Variants in CPNE8 observed in about 807,000 individuals in gnomAD.
The protein encoded by CPNE8 is copine-8.
Under a neutral mutation model 81.5 loss-of-function variants are expected in CPNE8, and 45 were observed. The observed-to-expected ratio is 0.55, with a 90% confidence interval of 0.44 to 0.71. The LOEUF is 0.71. CPNE8 is among the 30% of genes least tolerant of loss of function. CPNE8 has a pLI of 0.00. For missense variants in CPNE8, 594 were observed against 672.1 expected, an observed-to-expected ratio of 0.88 and a Z score of 1.28; for synonymous variants, 252 against 226.3, an observed-to-expected ratio of 1.11 and a Z score of -1.02.
In CPNE8 at chr12:38,653,783, G is replaced by C; in HGVS notation, c.*99C>G. ...ACATTAACTGCTGAAACCAAACTGA[G>C]AAAACTATCTCATTGCCTGGTTCAT... is the stretch of plus-strand genomic sequence containing the variant. On this transcript the variant is annotated 3_prime_UTR_variant, in exon 20 of 20. Coordinates refer to ENST00000331366, the MANE Select transcript of CPNE8 (RefSeq NM_153634.3). 2 of 1,445,060 alleles carry C rather than the reference G, an allele frequency of 1.4e-6. No homozygotes were observed. Among genetic ancestry groups the C allele is most frequent in the South Asian group, 3.1e-5 (2 of 64,966 alleles). 89.5% of individuals were successfully genotyped at this position (1,445,060 alleles called of 1,614,324 possible).
At chr12:38,805,500 G>A (rs1942774133) in intron 6 of CPNE8, among the ~76,000 whole-genome samples, 1 of 104,210 alleles carries the variant, frequency 9.6e-6, no homozygotes, top group South Asian at 4.1e-4. Context: ...ATCACACTCT[G>A]GGGACTGTGG....
intron 11 of CPNE8, 101 bp downstream of exon 11, chr12:38,730,178 ATACT>A: frequency 1.4e-6 from 1 of 724,414 alleles, no homozygotes; most frequent in East Asian, 2.6e-5. Flanking sequence ...ACATACACTG[ATACT>A]TAGTTAACCT....
Position 38,708,300 on chromosome 12 carries a change from G to A in CPNE8, c.915-5379C>T, listed in dbSNP as rs761845795. Among the ~76,000 whole-genome samples, 45 of 151,354 alleles carry A rather than the reference G, an allele frequency of 3.0e-4. 1 individual carries two copies. The highest frequency in any genetic ancestry group is 2.3e-3 in the Admixed American group (35 of 15,164). ...ACCAAACAACATTTCAATCAGTAACGTCATTACCCTTTTTCATTCTCTAAT... is the reference window on the plus strand; with the variant it reads ...ACCAAACAACATTTCAATCAGTAACATCATTACCCTTTTTCATTCTCTAAT... On this transcript the variant is annotated intron_variant, in intron 13 of 19. Coordinates refer to ENST00000331366, the MANE Select transcript of CPNE8 (RefSeq NM_153634.3).
At chr12:38,683,358 A>C (rs1293413512) in intron 16 of CPNE8, among the ~76,000 whole-genome samples, 2 of 152,160 alleles carry the variant, frequency 1.3e-5, no homozygotes, top group Admixed American at 1.3e-4. Flanking sequence ...TAATATATTA[A>C]CATATACAGA....
At chr12:38,839,562 C>T (rs918525032) in intron 5 of CPNE8, among the ~76,000 whole-genome samples, 1 of 151,936 alleles carries the variant, frequency 6.6e-6, no homozygotes, top group African/African-American at 2.4e-5. Context: ...TCTGCCTACA[C>T]TCAGCTACTT....
intron 17 of CPNE8, 105 bp from the exon 18 acceptor site, chr12:38,675,879 G>A (rs1939277219): frequency 2.6e-6 from 2 of 763,510 alleles, no homozygotes; most frequent in African/African-American, 1.8e-5. Flanking sequence ...CAGCACTGTG[G>A]GAGGCCAAAG....
At chr12:38,692,290 A>AAAAAAC (rs1337076452) in intron 15 of CPNE8, among the ~76,000 whole-genome samples, 4 of 152,158 alleles carry the variant, frequency 2.6e-5, no homozygotes, top group South Asian at 2.1e-4. Context: ...CTCTGTCTCA[A>AAAAAAC]AAAAACAAAA....
At chr12:38,685,403 C>T (rs1203489885) in intron 16 of CPNE8, 87 bp downstream of exon 16, 1 of 1,404,304 alleles carries the variant, frequency 7.1e-7, no homozygotes, top group East Asian at 2.4e-5. Context: ...AAACAACTTT[C>T]ATGTGTGGAG....
intron 1 of CPNE8, among the ~76,000 whole-genome samples, chr12:38,876,861 T>C (rs1944075294): frequency 6.6e-6 from 1 of 152,200 alleles, no homozygotes; most frequent in African/African-American, 2.4e-5. Context: ...AAAAGACCAG[T>C]GATTGTTAAA....
chr12:38,744,721 C>T (rs1473606821), intron 10 of CPNE8, among the ~76,000 whole-genome samples: 1 of 151,510 alleles, frequency 6.6e-6, no homozygotes, highest in Non-Finnish European at 1.5e-5. Flanking sequence ...CATTTATCAA[C>T]AAAAGCAGAA....
chr12:38,675,745 T>A lies in CPNE8; in HGVS notation c.1404A>T (p.Ile468=), dbSNP rs1235692095. ...NASKLPMSII[I]VGVGPAEFDA... is the part of the protein sequence containing the mutation. Reference sequence around the variant, plus strand: ...CAAATTCTGCTGGTCCAACACCTACTATAATTATTGACATTGGAAGTTTTG... The same window carrying A: ...CAAATTCTGCTGGTCCAACACCTACAATAATTATTGACATTGGAAGTTTTG... The change falls in exon 18 of 20, where the codon ATA becomes ATT. Residue 468 remains isoleucine (I), a synonymous_variant. Transcript: ENST00000331366. 1 of 1,605,338 alleles carries A rather than the reference T, an allele frequency of 6.2e-7. No homozygotes were observed. Among genetic ancestry groups the A allele is most frequent in the African/African-American group, 1.3e-5 (1 of 74,718 alleles).
intron 10 of CPNE8, among the ~76,000 whole-genome samples, chr12:38,760,575 TC>T (rs1941553833): frequency 6.6e-6 from 1 of 151,880 alleles, no homozygotes. Context: ...AATTTGATAC[TC>T]ACTACAGCTA....
chr12:38,792,615 AGTCCCAATGG>A (rs1942352818), intron 6 of CPNE8, among the ~76,000 whole-genome samples: 1 of 151,788 alleles, frequency 6.6e-6, no homozygotes, highest in Admixed American at 6.6e-5. Flanking sequence ...TTAAAGCATA[AGTCCCAATGG>A]TTCAACTACA....
At chr12:38,717,437 A>ATATATATATG (rs1940429630) in intron 13 of CPNE8, among the ~76,000 whole-genome samples, 1 of 128,142 alleles carries the variant, frequency 7.8e-6, no homozygotes, top group Non-Finnish European at 1.6e-5. Context: ...GTGTATATAT[A>ATATATATATG]TATATATATA....
intron 6 of CPNE8, among the ~76,000 whole-genome samples, chr12:38,783,446 A>G (rs1475788638): frequency 6.6e-6 from 1 of 152,192 alleles, no homozygotes; most frequent in Non-Finnish European, 1.5e-5. Context: ...TGTGGTGCTG[A>G]GAACATTTCC....
chr12:38,678,070 C>T (rs1228828944), intron 16 of CPNE8, among the ~76,000 whole-genome samples: 1 of 151,898 alleles, frequency 6.6e-6, no homozygotes, highest in Non-Finnish European at 1.5e-5. Context: ...TTTTGAACTA[C>T]ATAGAGGTAA....
intron 6 of CPNE8, among the ~76,000 whole-genome samples, chr12:38,794,029 G>A (rs1210181451): frequency 6.6e-6 from 1 of 152,028 alleles, no homozygotes; most frequent in African/African-American, 2.4e-5. Context: ...TGAATGTTTT[G>A]GATGCTTATC....
At chr12:38,809,891 AAC>A (rs1297065434) in intron 6 of CPNE8, among the ~76,000 whole-genome samples, 2 of 152,220 alleles carry the variant, frequency 1.3e-5, no homozygotes, top group African/African-American at 4.8e-5. Context: ...AGCATAGGAT[AAC>A]AGTTATATAC....
chr12:38,863,896 C>CA (rs989380859), intron 3 of CPNE8, among the ~76,000 whole-genome samples: 114 of 151,230 alleles, frequency 7.5e-4, no homozygotes, highest in African/African-American at 2.2e-3. Flanking sequence ...CTAAAAAATA[C>CA]AAAAAAAATT....
Sources: gnomAD v4.1 joint callset for allele counts (sites outside exome capture counted in the v4.1 genomes callset) on GRCh38, gnomAD v4.1.1 for gene constraint, MANE v1.5 for transcripts, NCBI Gene and HGNC (gene_info 2026-07-23, HGNC 2026-07-21) for gene names.